LRRC4C: variants seen among roughly 807,000 people sequenced by gnomAD.
LRRC4C encodes leucine rich repeat containing 4C, also known as leucine-rich repeat-containing protein 4C.
Under a neutral mutation model 33.6 loss-of-function variants are expected in LRRC4C, and 5 were observed. The observed-to-expected ratio is 0.15, with a 90% CI of 0.08 to 0.31. The LOEUF (loss-of-function observed/expected upper bound fraction) is 0.31. Among genes scored for constraint, LRRC4C ranks in the 10% least tolerant of loss-of-function variants. LRRC4C has a pLI of 1.00. For missense variants in LRRC4C, 560 were observed against 796.7 expected (o/e 0.70, Z 3.58); for synonymous variants, 329 against 302.0 (o/e 1.09, Z -0.93).
chr11:41,148,835 C>A (rs1450857333), intron 1 of LRRC4C, among the ~76,000 whole-genome samples: 1 of 152,076 alleles, frequency 6.6e-6, no homozygotes, highest in Admixed American at 6.5e-5. Flanking sequence ...ATGAAAAATT[C>A]TATGTAAAAT....
At chr11:41,095,116 T>G (rs1940725026) in intron 1 of LRRC4C, among the ~76,000 whole-genome samples, 1 of 152,166 alleles carries the variant, frequency 6.6e-6, no homozygotes, top group Non-Finnish European at 1.5e-5. Context: ...CAGTTCTGCA[T>G]AGCTGGGAAG....
chr11:40,614,166 A>G (rs941386574), intron 3 of LRRC4C, among the ~76,000 whole-genome samples: 4 of 151,868 alleles, frequency 2.6e-5, no homozygotes, highest in Non-Finnish European at 4.4e-5. Flanking sequence ...CTAGCTATTA[A>G]AGTCCCAGAT....
chr11:40,882,140 G>A (rs1224196668), intron 2 of LRRC4C, among the ~76,000 whole-genome samples: 1 of 151,958 alleles, frequency 6.6e-6, no homozygotes, highest in East Asian at 1.9e-4. Context: ...ATAAAATTTT[G>A]TTTATAAAAA....
chr11:41,194,200 A>T (rs1016410687), intron 1 of LRRC4C, among the ~76,000 whole-genome samples: 4 of 152,162 alleles, frequency 2.6e-5, no homozygotes, highest in Non-Finnish European at 4.4e-5. Context: ...ACTATAACAT[A>T]CAAAATATGT....
At chr11:41,369,377 A>G (rs1472541169) in intron 1 of LRRC4C, among the ~76,000 whole-genome samples, 1 of 152,026 alleles carries the variant, frequency 6.6e-6, no homozygotes, top group East Asian at 1.9e-4. Flanking sequence ...GGGGCCTCTA[A>G]GAGGGTGGAG....
intron 1 of LRRC4C, among the ~76,000 whole-genome samples, chr11:41,292,227 G>C (rs1305539640): frequency 2.6e-5 from 4 of 152,052 alleles, no homozygotes; most frequent in Non-Finnish European, 5.9e-5. Context: ...GATGTAATGT[G>C]AGCCTTTTCT....
chr11:40,878,145 T>G (rs565311931), intron 2 of LRRC4C, among the ~76,000 whole-genome samples: 12 of 151,968 alleles, frequency 7.9e-5, no homozygotes, highest in African/African-American at 2.9e-4. Flanking sequence ...CGGATGGAAG[T>G]GGTAGATAAC....
At chr11:40,816,094 T>G (rs1951695618) in intron 2 of LRRC4C, among the ~76,000 whole-genome samples, 1 of 152,170 alleles carries the variant, frequency 6.6e-6, no homozygotes, top group Non-Finnish European at 1.5e-5. Flanking sequence ...TGGGTCCACC[T>G]GGTAAAGGAG....
At chr11:41,270,125 G>C (rs974450818) in intron 1 of LRRC4C, among the ~76,000 whole-genome samples, 6 of 151,958 alleles carry the variant, frequency 3.9e-5, no homozygotes, top group African/African-American at 1.4e-4. Context: ...CTACAGCATA[G>C]GGCCTTGATA....
In LRRC4C at chr11:40,798,699, A is replaced by G. The variant is rs186707331; in HGVS notation, c.-407+134936T>C. Reference sequence around the variant, plus strand: ...ACTCTTGCTGCCCAGGCTGGAGTACAATAGCACGACCTCAGTTCACTGCAA... The same window carrying G: ...ACTCTTGCTGCCCAGGCTGGAGTACGATAGCACGACCTCAGTTCACTGCAA... On this transcript the variant is annotated intron_variant, in intron 2 of 6. Coordinates refer to ENST00000528697, the MANE Select transcript of LRRC4C (RefSeq NM_001258419.2). Among the ~76,000 whole-genome samples the G allele has an allele frequency of 2.7e-5, 4 of 150,280 alleles. No individual in the cohort carries two copies. In the East Asian group the frequency reaches 7.9e-4, roughly 30 times the overall value.
chr11:40,920,924 G>GT (rs35422765), intron 2 of LRRC4C, among the ~76,000 whole-genome samples: 103,526 of 145,226 alleles, frequency 0.71, 39,147 homozygotes, highest in Non-Finnish European at 0.84. Context: ...CATAATCAAG[G>GT]TTTTTTTTTT....
chr11:40,698,451 T>A (rs1945690138), intron 2 of LRRC4C, among the ~76,000 whole-genome samples: 1 of 152,232 alleles, frequency 6.6e-6, no homozygotes, highest in Non-Finnish European at 1.5e-5. Flanking sequence ...TAAGAGCATT[T>A]TTTTTTTCCT....
intron 1 of LRRC4C, among the ~76,000 whole-genome samples, chr11:41,245,428 C>A (rs1948413114): frequency 6.6e-6 from 1 of 152,212 alleles, no homozygotes; most frequent in African/African-American, 2.4e-5. Flanking sequence ...CCGGCCAAGG[C>A]ATGGCAGGCA....
intron 2 of LRRC4C, among the ~76,000 whole-genome samples, chr11:40,781,316 TAC>T (rs141235535): frequency 6.6e-6 from 1 of 151,884 alleles, no homozygotes; most frequent in Admixed American, 6.6e-5. Flanking sequence ...TGTGTGTACA[TAC>T]ACACACACAC....
chr11:40,361,261 G>C (rs780429613), intron 3 of LRRC4C, among the ~76,000 whole-genome samples: 10 of 152,172 alleles, frequency 6.6e-5, no homozygotes, highest in Non-Finnish European at 1.0e-4. Context: ...TCAGGCAAGA[G>C]AGAGAAATAA....
At chr11:40,421,159 T>C (rs1468327100) in intron 3 of LRRC4C, among the ~76,000 whole-genome samples, 1 of 152,220 alleles carries the variant, frequency 6.6e-6, no homozygotes, top group Admixed American at 6.5e-5. Context: ...GATTTAATAC[T>C]TTCTTGATAT....
At chr11:41,114,221 T>A (rs1941998199) in intron 1 of LRRC4C, among the ~76,000 whole-genome samples, 1 of 152,026 alleles carries the variant, frequency 6.6e-6, no homozygotes, top group African/African-American at 2.4e-5. Context: ...CCAAGAAAAT[T>A]TTCAATGGCT....
intron 2 of LRRC4C, among the ~76,000 whole-genome samples, chr11:40,737,236 AT>A (rs1947917242): frequency 6.6e-6 from 1 of 152,170 alleles, no homozygotes; most frequent in Non-Finnish European, 1.5e-5. Flanking sequence ...AATAAGAGCT[AT>A]TTATGACAAA....
chr11:40,238,166 T>C (rs1460067205), intron 5 of LRRC4C, among the ~76,000 whole-genome samples: 2 of 152,180 alleles, frequency 1.3e-5, no homozygotes, highest in Non-Finnish European at 2.9e-5. Context: ...GGGAGTGATA[T>C]CTGCAAATCA....
Sources: allele counts gnomAD v4.1 joint callset (sites outside exome capture counted in the v4.1 genomes callset), GRCh38; gene constraint gnomAD v4.1.1; transcripts MANE v1.5; gene names NCBI Gene and HGNC (gene_info 2026-07-23, HGNC 2026-07-21).